The following SPTLC1 variants were observed in gnomAD, a reference collection of about 807,000 sequenced individuals.
The protein encoded by SPTLC1 is serine palmitoyltransferase 1.
Under a neutral mutation model 68.9 loss-of-function variants are expected in SPTLC1, and 55 were observed. The ratio of observed to expected loss-of-function variants is 0.80; its 90% CI spans 0.64 to 1.00. The LOEUF is 1.00. SPTLC1 is among the 50% of genes least tolerant of loss of function. The pLI is 0.00. For missense variants in SPTLC1, 449 were observed against 573.1 expected, an observed-to-expected ratio of 0.78 and a Z score of 2.21; for synonymous variants, 197 against 201.6, an observed-to-expected ratio of 0.98 and a Z score of 0.19.
intron 3 of SPTLC1, among the ~76,000 whole-genome samples, chr9:92,096,450 T>C (rs1835532879): frequency 6.6e-6 from 1 of 152,166 alleles, no homozygotes; most frequent in Non-Finnish European, 1.5e-5. Context: ...TATTTAGCAA[T>C]TATACCTCAG....
chr9:92,079,609 A>AC (rs1315610697), intron 5 of SPTLC1: 6 of 1,526,830 alleles, frequency 3.9e-6, no homozygotes, highest in Middle Eastern at 1.7e-4. Context: ...CCCTCCCTCC[A>AC]CCCCAGGCAA....
chr9:92,032,029 T>C lies in SPTLC1; in HGVS notation c.*436A>G, dbSNP rs1335596625. On this transcript the variant is annotated 3_prime_UTR_variant, in exon 15 of 15. Transcript: ENST00000262554. ...ATTTGTACCACATATGTTGAAGTGTTCCTCTTAGCTTTAATGTTGCAGTCA... is the reference window on the plus strand; with the variant it reads ...ATTTGTACCACATATGTTGAAGTGTCCCTCTTAGCTTTAATGTTGCAGTCA... 7.1e-6 allele frequency: 3 copies of C among 424,080 alleles called. No individual in the cohort carries two copies. In the East Asian group the frequency reaches 1.1e-4, roughly 15 times the overall value. 26.3% of individuals were successfully genotyped at this position (424,080 alleles called of 1,614,324 possible).
chr9:92,104,886 C>T (rs1835899569), intron 3 of SPTLC1: 2 of 1,533,720 alleles, frequency 1.3e-6, no homozygotes, highest in Middle Eastern at 2.3e-4. Context: ...CAGGTGCATG[C>T]AGTGAGTTTC....
chr9:92,038,287 G>A lies in SPTLC1; in HGVS notation c.1215C>T (p.Arg405=), dbSNP rs376931202. The A allele has an allele frequency of 8.7e-6, 14 of 1,613,940 alleles. No homozygotes were observed. Among genetic ancestry groups the A allele is most frequent in the Admixed American group, 8.3e-5 (5 of 60,008 alleles). Residue 405 remains arginine, a synonymous_variant, in exon 13 of 15, where the codon CGC becomes CGT. Coordinates refer to ENST00000262554, the MANE Select transcript of SPTLC1 (RefSeq NM_006415.4). ...HLQLEESTGS[R]EQDVRLLQEI... ...CCTGAAGCAGTCTGACATCTTGCTC[G>A]CGAGACCCAGTGCTCTCTTCCAGTT...
chr9:92,091,462 C>G (rs1835359091), intron 3 of SPTLC1, among the ~76,000 whole-genome samples: 1 of 151,978 alleles, frequency 6.6e-6, no homozygotes, highest in Non-Finnish European at 1.5e-5. Flanking sequence ...ATCCAAGATG[C>G]CTAGGAAGAA....
At position 92,077,425 on chromosome 9, in the gene SPTLC1, G is replaced by A. The variant is rs143858131; in HGVS notation, c.427+2591C>T. ...TCGGTGGACAGGACCTTACCTGGTC[G>A]TCTATAGTACCCCAACCACAGTCGT... On this transcript the variant is annotated intron_variant, in intron 5 of 14. Coordinates refer to ENST00000262554, the MANE Select transcript of SPTLC1 (RefSeq NM_006415.4). Among the ~76,000 whole-genome samples the A allele has an allele frequency of 3.0e-3, 458 of 152,164 alleles. 3 individuals carry two copies. The highest frequency in any genetic ancestry group is 0.01 in the African/African-American group (424 of 41,494).
At chr9:92,072,053 G>A (rs1053477419) in intron 5 of SPTLC1, among the ~76,000 whole-genome samples, 6 of 152,116 alleles carry the variant, frequency 3.9e-5, no homozygotes, top group Admixed American at 3.3e-4. Context: ...TAGCTCACTT[G>A]CACGCGAGTG....
chr9:92,082,330 G>C (rs924269851), intron 3 of SPTLC1, among the ~76,000 whole-genome samples: 2 of 151,668 alleles, frequency 1.3e-5, no homozygotes, highest in African/African-American at 4.8e-5. Flanking sequence ...ATGCTGGTGT[G>C]CTGCACCCAT....
At chr9:92,045,524 TAAA>T (rs71362367) in intron 12 of SPTLC1, among the ~76,000 whole-genome samples, 392 of 31,602 alleles carry the variant, frequency 0.012, 5 homozygotes, top group African/African-American at 0.043. Context: ...TCTTGTGTAG[TAAA>T]AAAAAAAAAA....
intron 3 of SPTLC1, among the ~76,000 whole-genome samples, chr9:92,093,475 A>T (rs1471091128): frequency 6.6e-6 from 1 of 152,242 alleles, no homozygotes; most frequent in Admixed American, 6.5e-5. Context: ...GTGTGCACAC[A>T]CACACACACG....
At chr9:92,112,343 A>C in intron 2 of SPTLC1, 112 bp downstream of exon 2, 1 of 747,416 alleles carries the variant, frequency 1.3e-6, no homozygotes, top group African/African-American at 1.7e-5. Flanking sequence ...ATTTCCTTAC[A>C]TTACAGAAAA....
At chr9:92,105,788 G>C (rs556074224) in intron 3 of SPTLC1, among the ~76,000 whole-genome samples, 1 of 149,052 alleles carries the variant, frequency 6.7e-6, no homozygotes, top group Non-Finnish European at 1.5e-5. Context: ...AGTAAGGAGC[G>C]CCTCTGCCTT....
chr9:92,100,471 C>G (rs1200330364), intron 3 of SPTLC1, among the ~76,000 whole-genome samples: 3 of 152,176 alleles, frequency 2.0e-5, no homozygotes, highest in Non-Finnish European at 4.4e-5. Flanking sequence ...AACAAACTCT[C>G]AAAGAGGTTT....
At chr9:92,095,024 T>C (rs1835481956) in intron 3 of SPTLC1, among the ~76,000 whole-genome samples, 1 of 152,146 alleles carries the variant, frequency 6.6e-6, no homozygotes, top group Non-Finnish European at 1.5e-5. Flanking sequence ...TGTCTTAGAA[T>C]CAATGTAACA....
chr9:92,105,400 T>G (rs1314942083), intron 3 of SPTLC1: 3 of 1,488,516 alleles, frequency 2.0e-6, no homozygotes, highest in Non-Finnish European at 2.7e-6. Context: ...GAGAGCTGCT[T>G]AGGAGGAGAA....
intron 4 of SPTLC1, 93 bp from the exon 5 acceptor site, chr9:92,080,181 T>G (rs1834828822): frequency 2.1e-6 from 2 of 942,468 alleles, no homozygotes; most frequent in Non-Finnish European, 1.7e-6. Flanking sequence ...AGCTCCTTCC[T>G]TCCTCCTCCA....
intron 12 of SPTLC1, among the ~76,000 whole-genome samples, chr9:92,040,462 A>G (rs1331063098): frequency 6.6e-6 from 1 of 152,064 alleles, no homozygotes; most frequent in Non-Finnish European, 1.5e-5. Context: ...AATGGCCTCA[A>G]TTTTCCTCAA....
intron 6 of SPTLC1, among the ~76,000 whole-genome samples, chr9:92,066,976 A>G (rs1359207373): frequency 6.6e-6 from 1 of 151,654 alleles, no homozygotes; most frequent in Non-Finnish European, 1.5e-5. Flanking sequence ...GTGAAACTCC[A>G]TCTCAAAATA....
chr9:92,076,116 G>A (rs1212454674), intron 5 of SPTLC1, among the ~76,000 whole-genome samples: 1 of 152,064 alleles, frequency 6.6e-6, no homozygotes, highest in Non-Finnish European at 1.5e-5. Context: ...CTAACTCTTG[G>A]CAAAGGACTG....
Sources: gnomAD v4.1 joint callset for allele counts (sites outside exome capture counted in the v4.1 genomes callset) on GRCh38, gnomAD v4.1.1 for gene constraint, MANE v1.5 for transcripts, NCBI Gene and HGNC (gene_info 2026-07-23, HGNC 2026-07-21) for gene names.